Variants in CNTN3 observed in about 807,000 individuals in gnomAD.
CNTN3 encodes contactin-3.
CNTN3 carries 60 observed loss-of-function variants against 119.1 expected under a neutral mutation model. The observed-to-expected ratio is 0.50, with a 90% CI of 0.41 to 0.62. The LOEUF (loss-of-function observed/expected upper bound fraction) is 0.62. Ranked by LOEUF, CNTN3 falls within the 20% of genes least tolerant of loss-of-function variation. The pLI, the probability that CNTN3 is intolerant of heterozygous loss-of-function variation, is 0.00. For missense variants in CNTN3, 1,101 were observed against 1,242.4 expected (o/e 0.89, Z 1.71); for synonymous variants, 450 against 438.7 (o/e 1.03, Z -0.32).
chr3:74,284,260 A>G (rs1161824163), intron 20 of CNTN3, among the ~76,000 whole-genome samples: 2 of 152,224 alleles, frequency 1.3e-5, no homozygotes, highest in South Asian at 2.1e-4. Context: ...GGAAACAGAA[A>G]TGCGTCAATG....
intron 5 of CNTN3, among the ~76,000 whole-genome samples, chr3:74,378,772 T>G (rs1471918905): frequency 3.9e-5 from 6 of 152,238 alleles, no homozygotes; most frequent in Non-Finnish European, 8.8e-5. Flanking sequence ...AACCTTGTCC[T>G]AGGCCAGTGA....
At chr3:74,398,889 T>C (rs934787778) in intron 5 of CNTN3, among the ~76,000 whole-genome samples, 22 of 152,200 alleles carry the variant, frequency 1.4e-4, no homozygotes, top group African/African-American at 5.3e-4. Context: ...AAAAACTGTT[T>C]AATTGACACA....
At chr3:74,431,340 C>T (rs1559598217) in intron 4 of CNTN3, among the ~76,000 whole-genome samples, 1 of 152,036 alleles carries the variant, frequency 6.6e-6, no homozygotes, top group South Asian at 2.1e-4. Context: ...CTGAATTGAC[C>T]TAGGTAGTGA....
intron 1 of CNTN3, among the ~76,000 whole-genome samples, chr3:74,577,552 T>C (rs1194898884): frequency 6.6e-6 from 1 of 152,138 alleles, no homozygotes; most frequent in Non-Finnish European, 1.5e-5. Context: ...CTCAAGTTAT[T>C]CTAAATTATT....
chr3:74,279,603 C>T (rs56660525), intron 20 of CNTN3, among the ~76,000 whole-genome samples: 35,586 of 148,346 alleles, frequency 0.24, 5,216 homozygotes, highest in East Asian at 0.53. Flanking sequence ...GACGCAAAGG[C>T]GTAAGAATGA....
At chr3:74,312,934 A>G (rs1055031952) in intron 13 of CNTN3, among the ~76,000 whole-genome samples, 3 of 152,166 alleles carry the variant, frequency 2.0e-5, no homozygotes, top group African/African-American at 7.2e-5. Context: ...GAAAAAATAA[A>G]CAAACATGTA....
chr3:74,407,431 G>C (rs923886965), intron 5 of CNTN3, among the ~76,000 whole-genome samples: 10 of 105,130 alleles, frequency 9.5e-5, no homozygotes, highest in African/African-American at 3.7e-4. Flanking sequence ...ACCACGCCTG[G>C]CTAATTTTTT....
intron 3 of CNTN3, among the ~76,000 whole-genome samples, chr3:74,498,504 TG>T (rs1325995100): frequency 6.6e-6 from 1 of 151,866 alleles, no homozygotes. Context: ...CTTATTTTGT[TG>T]AAGTACACAA....
At chr3:74,378,933 T>A (rs1385614982) in intron 5 of CNTN3, among the ~76,000 whole-genome samples, 4 of 152,228 alleles carry the variant, frequency 2.6e-5, no homozygotes, top group African/African-American at 9.6e-5. Flanking sequence ...TGGTACTCAC[T>A]ATTTCCTTTT....
At chr3:74,600,232 C>T (rs1003403045) in intron 1 of CNTN3, among the ~76,000 whole-genome samples, 8 of 152,004 alleles carry the variant, frequency 5.3e-5, no homozygotes, top group African/African-American at 9.7e-5. Context: ...AGTTGAAAGA[C>T]GTCCTGAAAA....
At chr3:74,373,299 T>C (rs907003888) in intron 5 of CNTN3, among the ~76,000 whole-genome samples, 1 of 152,210 alleles carries the variant, frequency 6.6e-6, no homozygotes, top group Non-Finnish European at 1.5e-5. Flanking sequence ...GCAGCTGTTG[T>C]AGCAAGAGCC....
intron 3 of CNTN3, among the ~76,000 whole-genome samples, chr3:74,497,821 A>G (rs1703091725): frequency 6.6e-6 from 1 of 151,854 alleles, no homozygotes; most frequent in Non-Finnish European, 1.5e-5. Flanking sequence ...AAGAATCACT[A>G]TGCAAACAGT....
At chr3:74,304,857 G>C (rs1260009062) in intron 13 of CNTN3, among the ~76,000 whole-genome samples, 2 of 152,144 alleles carry the variant, frequency 1.3e-5, no homozygotes, top group Non-Finnish European at 2.9e-5. Context: ...ACATGGAATT[G>C]AGTGTATGAA....
At chr3:74,567,738 G>C (rs1411631335) in intron 1 of CNTN3, among the ~76,000 whole-genome samples, 1 of 152,066 alleles carries the variant, frequency 6.6e-6, no homozygotes, top group Non-Finnish European at 1.5e-5. Context: ...GCTCAGAATA[G>C]CATGGAGGAG....
intron 1 of CNTN3, among the ~76,000 whole-genome samples, chr3:74,608,729 A>C (rs558157531): frequency 6.6e-6 from 1 of 152,320 alleles, no homozygotes; most frequent in South Asian, 2.1e-4. Context: ...TGCCAATTAA[A>C]AAGATTAGAC....
chr3:74,548,617 G>A (rs768412513), intron 1 of CNTN3, among the ~76,000 whole-genome samples: 11 of 152,000 alleles, frequency 7.2e-5, no homozygotes, highest in Non-Finnish European at 8.8e-5. Flanking sequence ...CCTCAATGTC[G>A]CCAATAGGTT....
intron 22 of CNTN3, 137 bp downstream of exon 22, chr3:74,266,344 A>C: frequency 2.4e-6 from 2 of 841,016 alleles, no homozygotes; most frequent in Non-Finnish European, 3.7e-6. Context: ...CCCACGTCTC[A>C]CCTGCCAAAA....
chr3:74,523,754 T>C (rs932519447), intron 1 of CNTN3, among the ~76,000 whole-genome samples: 3 of 151,898 alleles, frequency 2.0e-5, no homozygotes, highest in Middle Eastern at 3.2e-3. Flanking sequence ...CTCTGCCCTA[T>C]GTCATTTGGA....
intron 4 of CNTN3, among the ~76,000 whole-genome samples, chr3:74,469,446 T>C (rs11720391): frequency 0.55 from 83,644 of 152,010 alleles, 23,368 homozygotes; most frequent in African/African-American, 0.57. Context: ...AACATTTGCA[T>C]GTATCTGACA....
Sources: gnomAD v4.1 joint callset for allele counts (sites outside exome capture counted in the v4.1 genomes callset) on GRCh38, gnomAD v4.1.1 for gene constraint, MANE v1.5 for transcripts, NCBI Gene and HGNC (gene_info 2026-07-23, HGNC 2026-07-21) for gene names.